TNRC6B: variants seen among roughly 807,000 people sequenced by gnomAD.
TNRC6B encodes trinucleotide repeat containing adaptor 6B.
Under a neutral mutation model 203.6 loss-of-function variants are expected in TNRC6B, and 52 were observed. The ratio of observed to expected loss-of-function variants is 0.26; its 90% CI spans 0.20 to 0.32. The LOEUF (loss-of-function observed/expected upper bound fraction) is 0.32. Among genes scored for constraint, TNRC6B ranks in the 10% least tolerant of loss-of-function variants. TNRC6B has a pLI of 1.00. For synonymous variants in TNRC6B, 838 were observed against 845.7 expected, an observed-to-expected ratio of 0.99 and a Z score of 0.16; for missense variants, 1,923 against 2,286.2, an observed-to-expected ratio of 0.84 and a Z score of 3.24.
At chr22:40,072,256 A>G (rs959145826) in intron 1 of TNRC6B, among the ~76,000 whole-genome samples, 3 of 152,230 alleles carry the variant, frequency 2.0e-5, no homozygotes, top group Admixed American at 1.3e-4. Context: ...GGAGTCAAAA[A>G]CAGCATATAA....
chr22:40,310,807 C>T lies in TNRC6B; in HGVS notation c.4259-10C>T, dbSNP rs760648301. ...TATTCTGGATGATTTAATTTCCTCT[C>T]TTTTCTCAGGCGCTATAGTGGCCCC... On this transcript the variant is annotated splice_polypyrimidine_tract_variant and intron_variant, in intron 16 of 22. Coordinates refer to ENST00000454349, the MANE Select transcript of TNRC6B (RefSeq NM_001162501.2). The T allele has an allele frequency of 1.9e-5, 31 of 1,601,260 alleles. No individual in the cohort carries two copies. The highest frequency in any genetic ancestry group is 1.0e-4 in the Admixed American group (6 of 57,286).
chr22:40,281,177 C>G lies in TNRC6B; in HGVS notation c.3470C>G (p.Pro1157Arg), dbSNP rs1231188539. 1 of 1,551,486 alleles carries G rather than the reference C, an allele frequency of 6.4e-7. No individual in the cohort carries two copies. The highest frequency in any genetic ancestry group is 8.7e-7 in the Non-Finnish European group (1 of 1,146,880). ...GCLGDEAPCSPFSPSPSYKLS... is the reference protein window; with the variant it reads ...GCLGDEAPCSRFSPSPSYKLS... ...CTTGGGGATGAGGCTCCCTGCTCTCCCTTCTCCCCTTCTCCCAGCTACAAG... is the reference window on the plus strand; with the variant it reads ...CTTGGGGATGAGGCTCCCTGCTCTCGCTTCTCCCCTTCTCCCAGCTACAAG... The change falls in exon 11 of 23, where the codon CCC (proline) becomes CGC (arginine). Residue 1157 changes from proline (P) to arginine (R), a missense_variant. Transcript: ENST00000454349.
intron 6 of TNRC6B, among the ~76,000 whole-genome samples, chr22:40,270,781 T>A (rs2070551949): frequency 6.6e-6 from 1 of 152,204 alleles, no homozygotes. Flanking sequence ...TTTCTTAAAA[T>A]GTTTAAGGTG....
chr22:40,173,801 T>A (rs1458523584), upstream of TNRC6B, among the ~76,000 whole-genome samples: 173 of 69,810 alleles, frequency 2.5e-3, no homozygotes, highest in East Asian at 9.6e-3. Context: ...ATATTTTTTT[T>A]TTTTTTTTTT....
chr22:40,061,022 G>T (rs1023791333), intron 1 of TNRC6B, among the ~76,000 whole-genome samples: 3 of 152,186 alleles, frequency 2.0e-5, no homozygotes, highest in African/African-American at 7.2e-5. Context: ...TGCCACCCAA[G>T]AGCCAACCTT....
chr22:40,091,537 G>T (rs2068151156), intron 1 of TNRC6B, among the ~76,000 whole-genome samples: 1 of 152,118 alleles, frequency 6.6e-6, no homozygotes, highest in Non-Finnish European at 1.5e-5. Flanking sequence ...TTGAATACTG[G>T]CTGATTACTT....
At chr22:40,264,290 ACTGT>A (rs1406744757) in intron 4 of TNRC6B, among the ~76,000 whole-genome samples, 2 of 152,146 alleles carry the variant, frequency 1.3e-5, no homozygotes, top group Non-Finnish European at 2.9e-5. Context: ...GCACTAAGGA[ACTGT>A]TGAAGGTTCT....
At chr22:40,112,856 C>T (rs376479369) in intron 1 of TNRC6B, among the ~76,000 whole-genome samples, 5 of 152,250 alleles carry the variant, frequency 3.3e-5, no homozygotes, top group East Asian at 3.9e-4. Context: ...CAGTGTTTCA[C>T]GCCTATAATT....
At chr22:40,302,196 A>G (rs2071032511) in intron 15 of TNRC6B, among the ~76,000 whole-genome samples, 1 of 152,242 alleles carries the variant, frequency 6.6e-6, no homozygotes, top group Non-Finnish European at 1.5e-5. Flanking sequence ...AACATGCTGT[A>G]AGCAGAATCT....
At chr22:40,098,243 G>A (rs1441153604) in intron 1 of TNRC6B, among the ~76,000 whole-genome samples, 3 of 151,918 alleles carry the variant, frequency 2.0e-5, no homozygotes, top group East Asian at 1.9e-4. Context: ...AAAATGAGCC[G>A]GGTGCGGTGG....
At chr22:40,112,918 A>G (rs566911500) in intron 1 of TNRC6B, among the ~76,000 whole-genome samples, 10 of 152,320 alleles carry the variant, frequency 6.6e-5, no homozygotes, top group African/African-American at 1.9e-4. Context: ...CAGGAGTTCA[A>G]GACAAGCCTG....
intron 1 of TNRC6B, among the ~76,000 whole-genome samples, chr22:40,107,493 T>TAATG (rs759117572): frequency 6.6e-6 from 1 of 152,200 alleles, no homozygotes; most frequent in Non-Finnish European, 1.5e-5. Context: ...TAAGGGGCCT[T>TAATG]AATGAATATG....
chr22:40,143,119 C>T (rs1026359842), intron 3 of TNRC6B, among the ~76,000 whole-genome samples: 1 of 152,144 alleles, frequency 6.6e-6, no homozygotes, highest in Non-Finnish European at 1.5e-5. Context: ...TTCTGCTAAA[C>T]AACTGACACC....
chr22:40,323,228 C>T lies in TNRC6B; in HGVS notation c.5489C>T (p.Ser1830Leu), dbSNP rs746068778. ...CCTGGTGACCTTCTGGGAGGAGGGTCGGATTCAATCTGAACTTAGAACTTT... is the reference window on the plus strand; with the variant it reads ...CCTGGTGACCTTCTGGGAGGAGGGTTGGATTCAATCTGAACTTAGAACTTT... ...LLPGDLLGGG[S>L]DSI is the part of the protein sequence containing the mutation. Residue 1830 changes from serine to leucine, a missense_variant, in exon 23 of 23, where the codon TCG becomes TTG. Coordinates refer to ENST00000454349, the MANE Select transcript of TNRC6B (RefSeq NM_001162501.2). 1.2e-6 allele frequency: 2 copies of T among 1,611,288 alleles called. No individual in the cohort carries two copies. The highest frequency in any genetic ancestry group is 1.7e-6 in the Non-Finnish European group (2 of 1,179,624).
chr22:40,198,482 G>A (rs2069368903), intron 1 of TNRC6B, among the ~76,000 whole-genome samples: 1 of 152,078 alleles, frequency 6.6e-6, no homozygotes, highest in Non-Finnish European at 1.5e-5. Flanking sequence ...GCCTGAGTAG[G>A]ATGAGGAGGG....
At chr22:40,275,638 C>G (rs1358234332) in intron 7 of TNRC6B, among the ~76,000 whole-genome samples, 1 of 152,198 alleles carries the variant, frequency 6.6e-6, no homozygotes, top group Non-Finnish European at 1.5e-5. Context: ...ATTCCCCCCT[C>G]CCTCTAGTGA....
intron 1 of TNRC6B, among the ~76,000 whole-genome samples, chr22:40,109,083 T>C (rs2068311364): frequency 6.6e-6 from 1 of 152,216 alleles, no homozygotes; most frequent in Non-Finnish European, 1.5e-5. Flanking sequence ...GGCTTCCAGC[T>C]GCATCCGTGT....
chr22:40,243,013 C>T (rs905387661), intron 1 of TNRC6B, among the ~76,000 whole-genome samples: 5 of 152,122 alleles, frequency 3.3e-5, no homozygotes, highest in Non-Finnish European at 5.9e-5. Context: ...AGACTACAGG[C>T]GTGTGCCACC....
intron 1 of TNRC6B, among the ~76,000 whole-genome samples, chr22:40,182,676 GACTA>G (rs1443743805): frequency 2.0e-5 from 3 of 152,198 alleles, no homozygotes; most frequent in Admixed American, 6.5e-5. Context: ...GCCATCTGGT[GACTA>G]ACTATATAAC....
Sources: allele counts gnomAD v4.1 joint callset (sites outside exome capture counted in the v4.1 genomes callset), GRCh38; gene constraint gnomAD v4.1.1; transcripts MANE v1.5; gene names NCBI Gene and HGNC (gene_info 2026-07-23, HGNC 2026-07-21).